CDKL5: variants seen among roughly 807,000 people sequenced by gnomAD.
CDKL5 encodes the protein cyclin dependent kinase like 5, also known as cyclin-dependent kinase-like 5.
CDKL5 carries 8 observed loss-of-function variants against 61.7 expected under a neutral mutation model. That is an observed-to-expected ratio of 0.13 (90% CI 0.08 to 0.23). The LOEUF (loss-of-function observed/expected upper bound fraction) is 0.23. Ranked by LOEUF, CDKL5 falls within the 10% of genes least tolerant of loss-of-function variation. CDKL5 has a pLI of 1.00. For synonymous variants in CDKL5, 275 were observed against 272.3 expected, an observed-to-expected ratio of 1.01 and a Z score of -0.10; for missense variants, 440 against 734.5, an observed-to-expected ratio of 0.60 and a Z score of 4.63.
intron 3 of CDKL5, among the ~76,000 whole-genome samples, chrX:18,516,277 G>A (rs1923012854): frequency 9.5e-6 from 1 of 104,900 alleles, no homozygotes; most frequent in African/African-American, 3.6e-5. Context: ...CATTGCGCCT[G>A]GCCTACGTTT....
intron 2 of CDKL5, among the ~76,000 whole-genome samples, chrX:18,507,623 G>A (rs1922633210): frequency 9.1e-6 from 1 of 109,978 alleles, no homozygotes; most frequent in South Asian, 3.9e-4. Context: ...CCAGACTGGA[G>A]TGCAGTGGCA....
chrX:18,547,771 T>C (rs1246967207), intron 3 of CDKL5, among the ~76,000 whole-genome samples: 2 of 112,047 alleles, frequency 1.8e-5, no homozygotes, highest in South Asian at 3.7e-4. Context: ...TTTAGTTACA[T>C]ACGTAAGATA....
At chrX:18,651,220 A>AGTGT (rs3838188) in intron 21 of CDKL5, among the ~76,000 whole-genome samples, 1,253 of 65,128 alleles carry the variant, frequency 0.019, 18 homozygotes, top group Non-Finnish European at 0.025. Flanking sequence ...GGCAGGAGCA[A>AGTGT]GTGTGTGTGT....
chrX:18,508,062 T>C (rs1922649538), intron 2 of CDKL5, among the ~76,000 whole-genome samples: 1 of 112,309 alleles, frequency 8.9e-6, no homozygotes, highest in African/African-American at 3.2e-5. Flanking sequence ...TCCTGCTTAG[T>C]GATTTTTGCT....
chrX:18,426,951 A>C (rs1931380140), intron 1 of CDKL5: 1 of 111,847 alleles, frequency 8.9e-6, no homozygotes, highest in Non-Finnish European at 1.9e-5. Flanking sequence ...ATTTGTTTTT[A>C]TTTCCTTCAA....
At chrX:18,620,018 A>G (rs1380742613) in intron 16 of CDKL5, 52 bp downstream of exon 16, 2 of 764,250 alleles carry the variant, frequency 2.6e-6, no homozygotes, top group Non-Finnish European at 2.0e-6. Flanking sequence ...GCATTATTCA[A>G]TGGATACTTT....
intron 1 of CDKL5, among the ~76,000 whole-genome samples, chrX:18,491,181 C>T (rs1056809509): frequency 9.0e-6 from 1 of 111,585 alleles, no homozygotes; most frequent in South Asian, 3.8e-4. Context: ...GATTTGGAAC[C>T]GTAATGAAAA....
At chrX:18,438,526 C>T (rs1232157664) in intron 1 of CDKL5, among the ~76,000 whole-genome samples, 2 of 108,804 alleles carry the variant, frequency 1.8e-5, no homozygotes, top group Non-Finnish European at 3.8e-5. Flanking sequence ...CGCGGTGGCT[C>T]ATGCCTGTAA....
Position 18,631,745 on chromosome X carries a change from C to T in CDKL5, c.*2988C>T, listed in dbSNP as rs1046397193. 2.9e-5 allele frequency: 22 copies of T among 752,484 alleles called. No homozygotes were observed. Among genetic ancestry groups the T allele is most frequent in the Middle Eastern group, 7.4e-4 (1 of 1,344 alleles). 62.0% of individuals were successfully genotyped at this position (752,484 alleles called of 1,213,427 possible). On this transcript the variant is annotated 3_prime_UTR_variant, in exon 18 of 18. Coordinates refer to ENST00000623535, the MANE Select transcript of CDKL5 (RefSeq NM_001323289.2). The stretch of plus-strand genomic sequence containing the variant: ...TCTACCTTTATTTCTCTGCCATCCT[C>T]GTTTTTCCTCTCTGAAGTTCTAAAT...
At chrX:18,459,528 C>T (rs926892194) in intron 1 of CDKL5, among the ~76,000 whole-genome samples, 1 of 108,022 alleles carries the variant, frequency 9.3e-6, no homozygotes, top group Admixed American at 1.0e-4. Flanking sequence ...CGCCACTGCA[C>T]TCCGGCCTGG....
chrX:18,652,668 CA>C (rs112755044), intron 21 of CDKL5, among the ~76,000 whole-genome samples: 45 of 104,151 alleles, frequency 4.3e-4, no homozygotes, highest in East Asian at 1.2e-3. Context: ...GACTACATTT[CA>C]AAAAAAAAAA....
At chrX:18,653,542 T>C in exon 22 of CDKL5, 2 of 1,211,600 alleles carry the variant, frequency 1.7e-6, no homozygotes, top group Non-Finnish European at 2.2e-6. Context: ...GACGGGCAAG[T>C]GACTTCTGCA....
intron 13 of CDKL5, 57 bp downstream of exon 13, chrX:18,608,969 T>C (rs1283001140): frequency 1.2e-6 from 1 of 800,981 alleles, no homozygotes; most frequent in Non-Finnish European, 1.9e-6. Context: ...ACTGCCTAGC[T>C]TTTAAAATGT....
At chrX:18,644,125 T>C (rs1174352305), downstream of CDKL5, among the ~76,000 whole-genome samples, 2 of 112,204 alleles carry the variant, frequency 1.8e-5, no homozygotes, top group Non-Finnish European at 3.8e-5. Context: ...GTGCATTCAA[T>C]GATCCAGTGA....
intron 3 of CDKL5, among the ~76,000 whole-genome samples, chrX:18,543,642 CAAT>C (rs772413877): frequency 9.0e-6 from 1 of 111,712 alleles, no homozygotes; most frequent in South Asian, 3.8e-4. Flanking sequence ...AAAGAATAAA[CAAT>C]AATTTATTCT....
chrX:18,580,970 C>T (rs556779847), intron 6 of CDKL5, among the ~76,000 whole-genome samples: 4 of 107,366 alleles, frequency 3.7e-5, no homozygotes, highest in African/African-American at 1.0e-4. Flanking sequence ...TAGATCTCCA[C>T]GTCAACTGGA....
chrX:18,529,209 C>G (rs1165790454), intron 3 of CDKL5, among the ~76,000 whole-genome samples: 1 of 104,755 alleles, frequency 9.5e-6, no homozygotes, highest in Non-Finnish European at 1.9e-5. Flanking sequence ...GGTCATTGCC[C>G]TAGAGTTTGC....
intron 4 of CDKL5, among the ~76,000 whole-genome samples, chrX:18,568,147 C>T (rs900227054): frequency 8.9e-5 from 10 of 112,027 alleles, no homozygotes; most frequent in Admixed American, 3.8e-4. Flanking sequence ...GTCAAAAAAT[C>T]GAAGTCAAAC....
At chrX:18,625,005 A>G (rs1926994302) in intron 16 of CDKL5, 123 bp from the exon 17 acceptor site, 1 of 618,766 alleles carries the variant, frequency 1.6e-6, no homozygotes, top group African/African-American at 2.2e-5. Flanking sequence ...TTCTATTTTT[A>G]CTGGGTTATT....
Sources: allele counts gnomAD v4.1 joint callset (sites outside exome capture counted in the v4.1 genomes callset), GRCh38; gene constraint gnomAD v4.1.1; transcripts MANE v1.5; gene names NCBI Gene and HGNC (gene_info 2026-07-23, HGNC 2026-07-21).